Variants in NCF2 observed in about 807,000 individuals in gnomAD.
The protein encoded by NCF2 is neutrophil cytosolic factor 2.
Under a neutral mutation model 70.9 loss-of-function variants are expected in NCF2, and 45 were observed. The observed-to-expected ratio is 0.63, with a 90% confidence interval of 0.50 to 0.81. The LOEUF (loss-of-function observed/expected upper bound fraction) is 0.81, where lower values mean the gene tolerates loss of function less well. Among genes scored for constraint, NCF2 ranks in the 40% least tolerant of loss-of-function variants. The pLI is 0.00. For missense variants in NCF2, 522 were observed against 631.6 expected, an observed-to-expected ratio of 0.83 and a Z score of 1.86; for synonymous variants, 203 against 233.6, an observed-to-expected ratio of 0.87 and a Z score of 1.19.
intron 13 of NCF2, among the ~76,000 whole-genome samples, chr1:183,560,634 G>A (rs1485335452): frequency 6.6e-6 from 1 of 152,134 alleles, no homozygotes; most frequent in African/African-American, 2.4e-5. Flanking sequence ...TTCACAATAG[G>A]GTTCACACTC....
At chr1:183,596,277 T>G in the NCF2 span, among the ~76,000 whole-genome samples, 19 of 149,152 alleles carry the variant, frequency 1.3e-4, no homozygotes, top group African/African-American at 4.5e-4. Context: ...TAGATGAAAA[T>G]GAGGGAATGT....
chr1:183,556,029 C>T lies in NCF2; in HGVS notation c.*89G>A. On this transcript the variant is annotated 3_prime_UTR_variant, in exon 15 of 15. Coordinates refer to ENST00000367535, the MANE Select transcript of NCF2 (RefSeq NM_000433.4). ...AGTTAACACTTCCAAACTGTAATGTCTCAGTACAGTATACAGCAGAAGGGT... is the reference window on the plus strand; with the variant it reads ...AGTTAACACTTCCAAACTGTAATGTTTCAGTACAGTATACAGCAGAAGGGT... The T allele has an allele frequency of 1.9e-6, 2 of 1,054,386 alleles. No individual in the cohort carries two copies. The highest frequency in any genetic ancestry group is 3.0e-6 in the Non-Finnish European group (2 of 674,590). 65.3% of individuals were successfully genotyped at this position (1,054,386 alleles called of 1,614,324 possible). A position where few individuals can be genotyped will look rare whatever the true frequency, so the allele number is the denominator to read the frequency against.
chr1:183,596,660 T>C, the NCF2 span, among the ~76,000 whole-genome samples: 2 of 151,984 alleles, frequency 1.3e-5, no homozygotes, highest in Admixed American at 6.6e-5. Flanking sequence ...GAGACTCTCT[T>C]GGACCTGGCA....
chr1:183,567,327 A>C lies in NCF2; in HGVS notation c.732T>G (p.Ala244=). 6.2e-7 allele frequency: 1 copy of C among 1,614,122 alleles called. No homozygotes were observed. The change falls in exon 8 of 15, where the codon GCT becomes GCG. Residue 244 remains alanine, a synonymous_variant. Transcript: ENST00000367535. ...PEIFRALEGE[A]HRVLFGFVPE... ...GCACAAACCCAAATAGCACACGGTG[A>C]GCCTCCCCTTCCAGAGCCCTGCAGA...
chr1:183,563,637 A>C, intron 11 of NCF2, 52 bp from the exon 12 acceptor site: 1 of 1,608,406 alleles, frequency 6.2e-7, no homozygotes. Flanking sequence ...GCTTTCTCTC[A>C]ACATCCTGGA....
intron 1 of NCF2, among the ~76,000 whole-genome samples, chr1:183,589,493 C>A (rs1417043473): frequency 6.6e-6 from 1 of 152,084 alleles, no homozygotes; most frequent in Non-Finnish European, 1.5e-5. Flanking sequence ...CACAACCAAT[C>A]AAAAAAATAA....
At chr1:183,596,703 C>T in the NCF2 span, among the ~76,000 whole-genome samples, 275 of 151,850 alleles carry the variant, frequency 1.8e-3, 6 homozygotes, top group East Asian at 0.042. Flanking sequence ...CATTGCATCA[C>T]TGCACTCCAG....
intron 2 of NCF2, among the ~76,000 whole-genome samples, chr1:183,581,286 A>AG (rs1673054447): frequency 7.8e-6 from 1 of 127,636 alleles, no homozygotes; most frequent in Admixed American, 7.8e-5. Context: ...TGACTCAAAA[A>AG]AAAAAAAAAA....
At chr1:183,563,935 A>G in intron 11 of NCF2, 70 bp downstream of exon 11, 1 of 1,498,606 alleles carries the variant, frequency 6.7e-7, no homozygotes, top group Non-Finnish European at 9.3e-7. Flanking sequence ...CCAGACAGAC[A>G]TGTCTGTGGT....
At position 183,570,531 on chromosome 1, in the gene NCF2, A is replaced by T. The variant is rs577288508; in HGVS notation, c.669+249T>A. On this transcript the variant is annotated intron_variant, in intron 6 of 14. Coordinates refer to ENST00000367535, the MANE Select transcript of NCF2 (RefSeq NM_000433.4). The stretch of plus-strand genomic sequence containing the variant: ...AGCAGATCTCTTTAGAGATGTGAAG[A>T]CCGGCATTTGTGGGGAAGCAGGAGA... 3.9e-5 allele frequency among the ~76,000 whole-genome samples: 6 copies of T among 152,322 alleles called. No homozygotes were observed. In the South Asian group the frequency reaches 1.2e-3, roughly 32 times the overall value.
At chr1:183,557,720 C>T (rs2102870822) in intron 14 of NCF2, among the ~76,000 whole-genome samples, 1 of 152,294 alleles carries the variant, frequency 6.6e-6, no homozygotes, top group African/African-American at 2.4e-5. Flanking sequence ...TGTGTTCTTT[C>T]ATTGTATTCC....
chr1:183,577,426 G>A (rs1672846001), intron 3 of NCF2, among the ~76,000 whole-genome samples, 173 bp downstream of exon 3: 1 of 152,200 alleles, frequency 6.6e-6, no homozygotes, highest in Admixed American at 6.5e-5. Flanking sequence ...TGATGAGCCT[G>A]AAATAATCCA....
At chr1:183,599,712 T>C in the NCF2 span, among the ~76,000 whole-genome samples, 45 of 151,812 alleles carry the variant, frequency 3.0e-4, no homozygotes, top group African/African-American at 1.0e-3. Context: ...CCACCACGCC[T>C]GGCTAATTTT....
intron 9 of NCF2, among the ~76,000 whole-genome samples, chr1:183,566,433 G>A (rs1672301732): frequency 6.6e-6 from 1 of 152,136 alleles, no homozygotes; most frequent in South Asian, 2.1e-4. Context: ...GTATAGAGGT[G>A]GCATCTCTCT....
At chr1:183,582,264 C>T (rs1027591034) in intron 2 of NCF2, among the ~76,000 whole-genome samples, 1 of 152,236 alleles carries the variant, frequency 6.6e-6, no homozygotes, top group Non-Finnish European at 1.5e-5. Context: ...GAAGCATCCC[C>T]CAGGAGGCAG....
chr1:183,577,684 A>G lies in NCF2; in HGVS notation c.281T>C (p.Leu94Pro). 4 of 1,613,702 alleles carry G rather than the reference A, an allele frequency of 2.5e-6. No homozygotes were observed. The highest frequency in any genetic ancestry group is 3.4e-6 in the Non-Finnish European group (4 of 1,179,564). The change falls in exon 3 of 15, where the codon CTT becomes CCT. Residue 94 changes from leucine to proline, a missense_variant. Coordinates refer to ENST00000367535, the MANE Select transcript of NCF2 (RefSeq NM_000433.4). ...TCGAAGCTGAATCAAGGCTTCTTTAAGGTCTTTGATAGCCAAATCATATCT... is the reference window on the plus strand; with the variant it reads ...TCGAAGCTGAATCAAGGCTTCTTTAGGGTCTTTGATAGCCAAATCATATCT... ...TEKYDLAIKDLKEALIQLRGN... is the reference protein window; with the variant it reads ...TEKYDLAIKDPKEALIQLRGN...
At chr1:183,588,646 A>G (rs1367133229) in intron 1 of NCF2, among the ~76,000 whole-genome samples, 4 of 152,178 alleles carry the variant, frequency 2.6e-5, no homozygotes, top group African/African-American at 9.7e-5. Flanking sequence ...ATATTTGTTT[A>G]CTATACAAAC....
chr1:183,577,831 T>C (rs1269468242), intron 2 of NCF2, 124 bp from the exon 3 acceptor site: 1 of 758,006 alleles, frequency 1.3e-6, no homozygotes, highest in African/African-American at 1.7e-5. Flanking sequence ...TCAGTTCCTT[T>C]TGACCTGTTC....
intron 2 of NCF2, among the ~76,000 whole-genome samples, chr1:183,585,521 A>G (rs2102930751): frequency 6.6e-6 from 1 of 151,304 alleles, no homozygotes; most frequent in Non-Finnish European, 1.5e-5. Context: ...GCTACTTGGG[A>G]GGCTGAGGCA....
Sources: allele counts gnomAD v4.1 joint callset (sites outside exome capture counted in the v4.1 genomes callset), GRCh38; gene constraint gnomAD v4.1.1; transcripts MANE v1.5; gene names NCBI Gene and HGNC (gene_info 2026-07-23, HGNC 2026-07-21).